The following UEVLD variants were observed in gnomAD, a reference collection of about 807,000 sequenced individuals.
The protein encoded by UEVLD is ubiquitin-conjugating enzyme E2 variant 3.
A neutral mutation model predicts 58.6 loss-of-function variants in UEVLD; 47 were observed. The ratio of observed to expected loss-of-function variants is 0.80; its 90% CI spans 0.63 to 1.02. UEVLD has a LOEUF of 1.02. Among genes scored for constraint, UEVLD ranks in the 50% least tolerant of loss-of-function variants. The pLI is 0.00. For missense variants in UEVLD, 510 were observed against 550.6 expected, an observed-to-expected ratio of 0.93 and a Z score of 0.74; for synonymous variants, 197 against 195.3, an observed-to-expected ratio of 1.01 and a Z score of -0.07.
intron 7 of UEVLD, among the ~76,000 whole-genome samples, chr11:18,548,989 T>C (rs377373858): frequency 2.0e-5 from 3 of 152,186 alleles, no homozygotes; most frequent in East Asian, 3.8e-4. Flanking sequence ...ACTTAACAAT[T>C]CCATATGTGT....
chr11:18,530,155 A>G lies in UEVLD; in HGVS notation c.*2165T>C, dbSNP rs1850510625. The G allele has an allele frequency of 6.6e-6, 1 of 152,354 alleles. No individual in the cohort carries two copies. The highest frequency in any genetic ancestry group is 1.5e-5 in the Non-Finnish European group (1 of 68,022). The allele number at this position is 152,354 out of a possible 1,614,324, so 9.4% of individuals were successfully genotyped here. On this transcript the variant is annotated 3_prime_UTR_variant, in exon 12 of 12. Coordinates refer to ENST00000396197, the MANE Select transcript of UEVLD (RefSeq NM_001040697.4). ...ACTTTAATTAGATATCAAATATTAG[A>G]AAAGGCTAGTTTTAAAAACACAAGA... is the stretch of plus-strand genomic sequence containing the variant.
intron 8 of UEVLD, among the ~76,000 whole-genome samples, chr11:18,545,725 G>A (rs951436411): frequency 1.3e-5 from 2 of 152,272 alleles, no homozygotes; most frequent in South Asian, 4.1e-4. Context: ...GATTACAGGC[G>A]TGAGCCACCG....
chr11:18,547,932 T>A (rs760715233), intron 7 of UEVLD, among the ~76,000 whole-genome samples: 34 of 152,334 alleles, frequency 2.2e-4, no homozygotes, highest in Admixed American at 5.2e-4. Context: ...GGCTTTTTTT[T>A]AATAAAGAGA....
intron 4 of UEVLD, among the ~76,000 whole-genome samples, chr11:18,569,383 T>C (rs1354115296): frequency 1.3e-5 from 2 of 152,210 alleles, no homozygotes; most frequent in Non-Finnish European, 2.9e-5. Context: ...CTACTGATTA[T>C]AGAAATGTAT....
intron 1 of UEVLD, 75 bp downstream of exon 1, chr11:18,588,538 G>A: frequency 6.4e-7 from 1 of 1,551,244 alleles, no homozygotes; most frequent in South Asian, 1.2e-5. Flanking sequence ...GCAAAACGGA[G>A]GCAACCTGGC....
intron 3 of UEVLD, among the ~76,000 whole-genome samples, chr11:18,575,116 GT>G (rs1272715981): frequency 6.6e-6 from 1 of 152,128 alleles, no homozygotes; most frequent in Non-Finnish European, 1.5e-5. Context: ...AGAGATCGAA[GT>G]TACGCTGTTC....
At chr11:18,587,267 C>T (rs1248444774) in intron 1 of UEVLD, among the ~76,000 whole-genome samples, 2 of 152,142 alleles carry the variant, frequency 1.3e-5, no homozygotes, top group Non-Finnish European at 2.9e-5. Flanking sequence ...TTGAATGGTT[C>T]TTTTAATTTC....
rs768992780 is a variant in UEVLD, at chr11:18,575,404, C to T, written c.136G>A (p.Asp46Asn). 55 of 1,594,208 alleles carry T rather than the reference C, an allele frequency of 3.4e-5. No homozygotes were observed. The highest frequency in any genetic ancestry group is 4.4e-5 in the Non-Finnish European group (52 of 1,173,116). Reference protein sequence around the residue: ...KYSMDTYVFKDSSQKDLLNFT... With the variant: ...KYSMDTYVFKNSSQKDLLNFT... ...TTCAGCAGGTCTTTCTGAGAACTATCTTTAAAAACTAGAAGAAAAAAAAAA... is the reference window on the plus strand; with the variant it reads ...TTCAGCAGGTCTTTCTGAGAACTATTTTTAAAAACTAGAAGAAAAAAAAAA... Residue 46 changes from aspartate to asparagine, a missense_variant, in exon 3 of 12, where the codon GAT (aspartate) becomes AAT (asparagine). Asp to Asn is a conservative substitution (Grantham distance 23, BLOSUM62 1). Transcript: ENST00000396197.
At chr11:18,556,449 A>T (rs1352746594) in intron 7 of UEVLD, among the ~76,000 whole-genome samples, 1 of 152,256 alleles carries the variant, frequency 6.6e-6, no homozygotes, top group Non-Finnish European at 1.5e-5. Flanking sequence ...ACTGATAGGT[A>T]TAATTTCAAC....
rs1850586031 is a variant in UEVLD at position 18,532,229 on chromosome 11, G to A, written c.*91C>T. On this transcript the variant is annotated 3_prime_UTR_variant, in exon 12 of 12. Transcript: ENST00000396197. Reference sequence around the variant, plus strand: ...AAGCAGTTTGTAAAAGTAAGTAGCAGGATACAGAAATCCTCAAACCTATAT... The same window carrying A: ...AAGCAGTTTGTAAAAGTAAGTAGCAAGATACAGAAATCCTCAAACCTATAT... 8 of 1,235,150 alleles carry A rather than the reference G, an allele frequency of 6.5e-6. No homozygotes were observed. Among genetic ancestry groups the A allele is most frequent in the Non-Finnish European group, 8.7e-6 (8 of 918,016 alleles). 76.5% of individuals were successfully genotyped at this position (1,235,150 alleles called of 1,614,324 possible).
intron 1 of UEVLD, among the ~76,000 whole-genome samples, chr11:18,583,639 T>A (rs865991581): frequency 4.0e-5 from 6 of 148,728 alleles, no homozygotes; most frequent in Non-Finnish European, 7.4e-5. Context: ...GAAGGAATCT[T>A]TATTAAGTCC....
chr11:18,568,716 GTTTTCTATATAAAAATA>G (rs1852424434), intron 4 of UEVLD, among the ~76,000 whole-genome samples: 1 of 151,492 alleles, frequency 6.6e-6, no homozygotes, highest in Admixed American at 6.6e-5. Context: ...CTTTTTAAAT[GTTTTCTATATAAAAATA>G]TAGAAAACCA....
At chr11:18,574,154 T>A (rs1554982538) in intron 3 of UEVLD, among the ~76,000 whole-genome samples, 1 of 152,218 alleles carries the variant, frequency 6.6e-6, no homozygotes, top group Non-Finnish European at 1.5e-5. Context: ...ACAGTGAACT[T>A]TTATTGAGAC....
chr11:18,558,874 G>C (rs572262686), intron 6 of UEVLD, among the ~76,000 whole-genome samples: 6 of 151,794 alleles, frequency 4.0e-5, no homozygotes, highest in Non-Finnish European at 7.4e-5. Flanking sequence ...ACAAGTCACA[G>C]ATTGCAGGTT....
rs1245323082 is a variant in UEVLD at position 18,575,342 on chromosome 11, C to T, written c.193+5G>A. On this transcript the variant is annotated splice_donor_5th_base_variant and intron_variant, in intron 3 of 11. Coordinates refer to ENST00000396197, the MANE Select transcript of UEVLD (RefSeq NM_001040697.4). ...CTCACACATTTTTTCAACTTCCACACTTACCCTGATACATCACAGGAATTG... is the reference window on the plus strand; with the variant it reads ...CTCACACATTTTTTCAACTTCCACATTTACCCTGATACATCACAGGAATTG... 6.2e-7 allele frequency: 1 copy of T among 1,602,904 alleles called. No individual in the cohort carries two copies.
chr11:18,578,829 A>C, intron 1 of UEVLD, 21 bp from the exon 2 acceptor site: 1 of 1,518,034 alleles, frequency 6.6e-7, no homozygotes, highest in Non-Finnish European at 9.0e-7. Flanking sequence ...AAAAATAAGC[A>C]TGGAGTAAGA....
intron 1 of UEVLD, among the ~76,000 whole-genome samples, chr11:18,583,452 C>G (rs916473249): frequency 6.6e-6 from 1 of 151,888 alleles, no homozygotes; most frequent in Non-Finnish European, 1.5e-5. Flanking sequence ...CTCTTGACCT[C>G]AGATGATCCA....
Position 18,560,090 on chromosome 11 carries a change from TAC to T in UEVLD, c.613-1762_613-1761del, listed in dbSNP as rs71050609. ...GGGCAACATGGCAAAACCCCGTCTC[TAC>T]ACACACACACACACACACACACACA... On this transcript the variant is annotated intron_variant, in intron 6 of 11. Coordinates refer to ENST00000396197, the MANE Select transcript of UEVLD (RefSeq NM_001040697.4). Among the ~76,000 whole-genome samples, 176 of 76,174 alleles carry T rather than the reference TAC, an allele frequency of 2.3e-3. 2 individuals carry two copies. The highest frequency in any genetic ancestry group is 0.013 in the Middle Eastern group (2 of 150). The allele number at this position is 76,174 out of a possible 152,430, so 50.0% of individuals were successfully genotyped here.
At chr11:18,582,453 G>A (rs1210680911) in intron 1 of UEVLD, among the ~76,000 whole-genome samples, 22 of 148,530 alleles carry the variant, frequency 1.5e-4, no homozygotes, top group African/African-American at 5.5e-4. Flanking sequence ...TGTCACCCAG[G>A]CTGGAGTGCA....
Sources: gnomAD v4.1 joint callset for allele counts (sites outside exome capture counted in the v4.1 genomes callset) on GRCh38, gnomAD v4.1.1 for gene constraint, MANE v1.5 for transcripts, NCBI Gene and HGNC (gene_info 2026-07-23, HGNC 2026-07-21) for gene names.